JCAD: variants seen among roughly 807,000 people sequenced by gnomAD.
The protein encoded by JCAD is junctional cadherin 5-associated protein.
A neutral mutation model predicts 98.0 loss-of-function variants in JCAD; 40 were observed. The ratio of observed to expected loss-of-function variants is 0.41; its 90% CI spans 0.32 to 0.53. The LOEUF (loss-of-function observed/expected upper bound fraction) is 0.53, where lower values mean the gene tolerates loss of function less well. JCAD is among the 20% of genes least tolerant of loss of function. The probability of loss-of-function intolerance (pLI) is 0.31; values close to 1 mark genes in which losing one functional copy is unlikely to be tolerated. For synonymous variants in JCAD, 691 were observed against 682.3 expected (o/e 1.01, Z -0.20); for missense variants, 1,705 against 1,738.1 (o/e 0.98, Z 0.34).
In JCAD at chr10:30,076,956, C is replaced by G. The variant is rs377284634; in HGVS notation, n.129-7135G>C. Among the ~76,000 whole-genome samples, 21 of 152,296 alleles carry G rather than the reference C, an allele frequency of 1.4e-4. 1 individual carries two copies. The highest frequency in any genetic ancestry group is 5.1e-4 in the African/African-American group (21 of 41,564). ...GGAGTGGAGAAGGCACATTCCCCAG[C>G]AGAACTGACCTGCCCAGAAGGGAAG... On this transcript the variant is annotated intron_variant and non_coding_transcript_variant, in intron 1 of 2. Transcript: ENST00000465712.
At chr10:30,041,841 G>A (rs1837248401) in intron 2 of JCAD, among the ~76,000 whole-genome samples, 1 of 152,214 alleles carries the variant, frequency 6.6e-6, no homozygotes, top group Non-Finnish European at 1.5e-5. Flanking sequence ...AACCCTGAGT[G>A]CCTGATAACA....
In JCAD at chr10:30,027,551, G is replaced by T. The variant is rs748257405; in HGVS notation, c.2597C>A (p.Pro866Gln). 3.7e-6 allele frequency: 6 copies of T among 1,613,768 alleles called. No individual in the cohort carries two copies. In the South Asian group the frequency reaches 6.6e-5, roughly 18 times the overall value. ...GCAGTGAGCACGGTTCTCCTGCTGC[G>T]GCTCCGCCTCACTCTCCTCACTGCT... ...SSSSEESEAEPQQENRAHCRQ... is the reference protein window; with the variant it reads ...SSSSEESEAEQQQENRAHCRQ... The change falls in exon 3 of 4, where the codon CCG becomes CAG. Residue 866 changes from proline (P) to glutamine (Q), a missense_variant. This residue lies in a region of JCAD where 1,278 missense variants were observed against 1,243.1 expected (regional missense o/e 1.03). Transcript: ENST00000375377.
chr10:30,040,769 C>T (rs1245675267), intron 2 of JCAD, among the ~76,000 whole-genome samples: 1 of 152,206 alleles, frequency 6.6e-6, no homozygotes, highest in African/African-American at 2.4e-5. Context: ...CCCCAGTCCA[C>T]AACCTGTCCT....
At chr10:30,058,722 C>T (rs1837634166) in intron 1 of JCAD, among the ~76,000 whole-genome samples, 1 of 151,990 alleles carries the variant, frequency 6.6e-6, no homozygotes, top group Admixed American at 6.5e-5. Context: ...GAGATCTGAG[C>T]GCAGAGACCC....
intron 1 of JCAD, among the ~76,000 whole-genome samples, chr10:30,108,041 G>A (rs778933685): frequency 2.0e-4 from 30 of 152,066 alleles, no homozygotes; most frequent in Non-Finnish European, 3.1e-4. Context: ...GGCCGGGTGC[G>A]GTGGCTCACT....
intron 2 of JCAD, chr10:30,044,692 T>TTTTAATTTAAGC (rs1837300726): frequency 2.8e-6 from 1 of 351,850 alleles, no homozygotes. Context: ...TTTTTTTTTT[T>TTTTAATTTAAGC]TAAATTTAAG....
chr10:30,035,029 C>T (rs570431797), intron 2 of JCAD, among the ~76,000 whole-genome samples: 2 of 152,124 alleles, frequency 1.3e-5, no homozygotes, highest in Non-Finnish European at 2.9e-5. Context: ...GAAACCGTAC[C>T]GTGTGGCTTT....
In JCAD at chr10:30,049,614, T is replaced by G. The variant is rs148935829; in HGVS notation, c.-59-1743A>C. Among the ~76,000 whole-genome samples, 1,516 of 152,352 alleles carry G rather than the reference T, an allele frequency of 1.0e-2. 31 individuals carry two copies. Among genetic ancestry groups the G allele is most frequent in the African/African-American group, 0.034 (1,423 of 41,582 alleles). On this transcript the variant is annotated intron_variant, in intron 1 of 3. Coordinates refer to ENST00000375377, the MANE Select transcript of JCAD (RefSeq NM_020848.4). ...ATCTCCATAGCAACTCTGCCACTCC[T>G]GACACTCCTACTGCATGTCTTTCAA...
intron 3 of JCAD, among the ~76,000 whole-genome samples, chr10:30,021,745 C>T (rs547432643): frequency 3.3e-5 from 5 of 152,200 alleles, no homozygotes; most frequent in African/African-American, 7.2e-5. Context: ...ATGTGATGAG[C>T]GGCTACAATA....
chr10:30,046,249 G>A lies in JCAD; in HGVS notation c.281+1283C>T, dbSNP rs1012464954. ...CAAAGGTTTCCTCCAGGTGGAAACCGCCTGGGAGAGGGTTTCAGGGCTCCT... is the reference window on the plus strand; with the variant it reads ...CAAAGGTTTCCTCCAGGTGGAAACCACCTGGGAGAGGGTTTCAGGGCTCCT... On this transcript the variant is annotated intron_variant, in intron 2 of 3. Coordinates refer to ENST00000375377, the MANE Select transcript of JCAD (RefSeq NM_020848.4). Among the ~76,000 whole-genome samples the A allele has an allele frequency of 5.3e-5, 8 of 152,168 alleles. No individual in the cohort carries two copies. The East Asian group carries it at 1.4e-3, about 26-fold the overall frequency.
rs375373818 is a variant in JCAD, at chr10:30,052,682, C to A, written c.-59-4811G>T. 3.3e-5 allele frequency among the ~76,000 whole-genome samples: 5 copies of A among 152,168 alleles called. 1 individual carries two copies. In the South Asian group the frequency reaches 1.0e-3, roughly 32 times the overall value. ...TTACGCCAACGTAAATTCATCAGGGCACTTGTTTTACATTGGAAGTGCCAG... is the reference window on the plus strand; with the variant it reads ...TTACGCCAACGTAAATTCATCAGGGAACTTGTTTTACATTGGAAGTGCCAG... On this transcript the variant is annotated intron_variant, in intron 1 of 3. Coordinates refer to ENST00000375377, the MANE Select transcript of JCAD (RefSeq NM_020848.4).
intron 1 of JCAD, among the ~76,000 whole-genome samples, chr10:30,079,220 G>C (rs558438276): frequency 6.6e-6 from 1 of 152,036 alleles, no homozygotes; most frequent in East Asian, 1.9e-4. Flanking sequence ...GGTGGCCGGC[G>C]CCTGTAGTCC....
chr10:30,097,647 C>T (rs764453496), intron 1 of JCAD, among the ~76,000 whole-genome samples: 5 of 151,936 alleles, frequency 3.3e-5, no homozygotes, highest in African/African-American at 9.7e-5. Context: ...CCCAGCTACT[C>T]GAGAGACTAA....
chr10:30,046,324 C>T (rs1440044837), intron 2 of JCAD, among the ~76,000 whole-genome samples: 1 of 152,120 alleles, frequency 6.6e-6, no homozygotes, highest in African/African-American at 2.4e-5. Context: ...CCTTTTTTAC[C>T]ATCCTGTTCC....
chr10:30,029,481 A>G lies in JCAD; in HGVS notation c.667T>C (p.Ser223Pro). The change falls in exon 3 of 4, where the codon TCT becomes CCT. Residue 223 changes from serine (S) to proline (P), a missense_variant. Ser to Pro is a moderately conservative substitution (Grantham distance 74). This residue lies in a region of JCAD where 275 missense variants were observed against 346.9 expected (regional missense o/e 0.79). Transcript: ENST00000375377. ...GAGCGAGACTTCCCTTTGTTTTGAGAATTCAACACATGTTCTCCTTGAATG... is the reference window on the plus strand; with the variant it reads ...GAGCGAGACTTCCCTTTGTTTTGAGGATTCAACACATGTTCTCCTTGAATG... ...PFIQGEHVLN[S>P]QNKGKSRSLP... 3 of 1,614,132 alleles carry G rather than the reference A, an allele frequency of 1.9e-6. No homozygotes were observed. The highest frequency in any genetic ancestry group is 2.5e-6 in the Non-Finnish European group (3 of 1,180,026).
At chr10:30,038,202 G>A (rs1837160980) in intron 2 of JCAD, among the ~76,000 whole-genome samples, 1 of 152,194 alleles carries the variant, frequency 6.6e-6, no homozygotes, top group African/African-American at 2.4e-5. Flanking sequence ...GGGTTTTGGG[G>A]TTGTTGCTTC....
intron 1 of JCAD, among the ~76,000 whole-genome samples, chr10:30,092,244 C>T (rs1007003238): frequency 6.7e-6 from 1 of 149,932 alleles, no homozygotes; most frequent in Non-Finnish European, 1.5e-5. Context: ...GGAGAATGGC[C>T]GAGAAAGCAG....
At chr10:30,024,764 C>T (rs1031212015) in intron 3 of JCAD, among the ~76,000 whole-genome samples, 5 of 146,272 alleles carry the variant, frequency 3.4e-5, no homozygotes, top group East Asian at 2.1e-4. Flanking sequence ...GGCACAATCT[C>T]GGCTCACCAC....
chr10:30,047,433 G>T, intron 2 of JCAD, 99 bp downstream of exon 2: 1 of 1,402,460 alleles, frequency 7.1e-7, no homozygotes, highest in Non-Finnish European at 9.7e-7. Flanking sequence ...CTCCCTCCTT[G>T]GCCCTGGCCA....
Sources: gnomAD v4.1 joint callset for allele counts (sites outside exome capture counted in the v4.1 genomes callset) on GRCh38, gnomAD v4.1.1 for gene constraint, gnomAD v4.1.1 regional missense constraint, MANE v1.5 for transcripts, NCBI Gene and HGNC (gene_info 2026-07-23, HGNC 2026-07-21) for gene names.